The following TNN variants were observed in gnomAD, a reference collection of about 807,000 sequenced individuals.
TNN encodes tenascin N, also known as tenascin-N.
A neutral mutation model predicts 134.4 loss-of-function variants in TNN; 122 were observed. That is an observed-to-expected ratio of 0.91 (90% CI 0.78 to 1.06). TNN has a LOEUF of 1.06. TNN is among the 50% of genes least tolerant of loss of function. The probability of loss-of-function intolerance (pLI) is 0.00; values close to 1 mark genes in which losing one functional copy is unlikely to be tolerated. For missense variants in TNN, 1,739 were observed against 1,699.4 expected (o/e 1.02, Z -0.41); for synonymous variants, 710 against 670.3 (o/e 1.06, Z -0.91).
In TNN at chr1:175,147,127, G is replaced by C; in HGVS notation, c.*56G>C. ...ACCACCAGCTGTGGCAGCTTGGGGC[G>C]GGGTGGGTAGTGGTCACTGCGGTCT... On this transcript the variant is annotated 3_prime_UTR_variant, in exon 19 of 19. Coordinates refer to ENST00000239462, the MANE Select transcript of TNN (RefSeq NM_022093.2). 1 of 1,432,560 alleles carries C rather than the reference G, an allele frequency of 7.0e-7. No individual in the cohort carries two copies. Among genetic ancestry groups the C allele is most frequent in the Non-Finnish European group, 9.3e-7 (1 of 1,079,896 alleles). 88.7% of individuals were successfully genotyped at this position (1,432,560 alleles called of 1,614,324 possible).
rs777248205 is a variant in TNN at position 175,144,386 on chromosome 1, G to A, written c.3596-1G>A. 3 of 1,613,800 alleles carry A rather than the reference G, an allele frequency of 1.9e-6. No homozygotes were observed. The highest frequency in any genetic ancestry group is 1.3e-5 in the African/African-American group (1 of 75,012). ...TCGCCTCCGTCTCTTCTCTCCTGCA[G>A]GGGATGCTCTTACTTACCACAATGG... On this transcript the variant is annotated splice_acceptor_variant, in intron 17 of 18. Transcript: ENST00000239462. LOFTEE classifies it high-confidence loss of function.
chr1:175,121,127 T>C (rs1216757284), intron 11 of TNN, among the ~76,000 whole-genome samples: 1 of 152,264 alleles, frequency 6.6e-6, no homozygotes, highest in East Asian at 1.9e-4. Context: ...TTTTCTCATT[T>C]GGATTAGCCA....
At chr1:175,106,501 A>G (rs1358520703) in intron 9 of TNN, among the ~76,000 whole-genome samples, 3 of 145,764 alleles carry the variant, frequency 2.1e-5, no homozygotes, top group African/African-American at 4.9e-5. Flanking sequence ...AAGGTAACAG[A>G]GTCCTGGAGT....
intron 9 of TNN, among the ~76,000 whole-genome samples, chr1:175,113,082 G>T (rs1210754281): frequency 6.6e-6 from 1 of 152,062 alleles, no homozygotes; most frequent in Non-Finnish European, 1.5e-5. Flanking sequence ...ATTGTGATTT[G>T]GTAGGTTTTT....
At chr1:175,137,100 T>A in intron 17 of TNN, 112 bp downstream of exon 17, 1 of 1,144,934 alleles carries the variant, frequency 8.7e-7, no homozygotes, top group Non-Finnish European at 1.2e-6. Context: ...TGGAGGTGAA[T>A]TGTTCTCATT....
intron 12 of TNN, among the ~76,000 whole-genome samples, chr1:175,126,697 C>T (rs1675537128): frequency 6.6e-6 from 1 of 152,156 alleles, no homozygotes; most frequent in African/African-American, 2.4e-5. Context: ...GGGAACCTGC[C>T]TGGGAAATGG....
chr1:175,109,765 G>A (rs555709948), intron 9 of TNN, among the ~76,000 whole-genome samples: 6 of 151,370 alleles, frequency 4.0e-5, no homozygotes, highest in Non-Finnish European at 8.8e-5. Flanking sequence ...CTAGTGGACA[G>A]TTAGGTTAAT....
chr1:175,073,614 G>T (rs75292051), intron 1 of TNN, among the ~76,000 whole-genome samples: 1 of 152,302 alleles, frequency 6.6e-6, no homozygotes, highest in East Asian at 1.9e-4. Context: ...AGGGGCTTGG[G>T]GCTTTCCTCC....
intron 1 of TNN, among the ~76,000 whole-genome samples, chr1:175,073,695 T>G (rs921076479): frequency 1.3e-5 from 2 of 152,054 alleles, no homozygotes; most frequent in African/African-American, 4.8e-5. Context: ...TGGGGCGAGG[T>G]GAGGGTTAGA....
At chr1:175,072,808 C>A (rs1188030714) in intron 1 of TNN, among the ~76,000 whole-genome samples, 2 of 151,952 alleles carry the variant, frequency 1.3e-5, no homozygotes, top group East Asian at 3.9e-4. Flanking sequence ...GAAGGACAGG[C>A]AACACCAAGG....
intron 4 of TNN, among the ~76,000 whole-genome samples, chr1:175,082,972 T>C (rs1015052583): frequency 2.1e-4 from 31 of 149,894 alleles, no homozygotes; most frequent in African/African-American, 7.3e-4. Flanking sequence ...TATTAATCAC[T>C]GTAACTTCAT....
At chr1:175,091,370 G>T (rs11583029) in intron 6 of TNN, among the ~76,000 whole-genome samples, 83,270 of 151,824 alleles carry the variant, frequency 0.55, 23,419 homozygotes, top group African/African-American at 0.69. Context: ...ATAACCCTGG[G>T]CATAATATGA....
intron 1 of TNN, among the ~76,000 whole-genome samples, chr1:175,069,398 C>A (rs1673870519): frequency 6.6e-6 from 1 of 152,216 alleles, no homozygotes. Flanking sequence ...CTAAGTACTG[C>A]TTTGTCCCCA....
rs1168240659 is a variant in TNN at position 175,102,914 on chromosome 1, AT to A, written c.2119+4320del. Among the ~76,000 whole-genome samples the A allele has an allele frequency of 9.6e-5, 14 of 146,166 alleles. 3 individuals carry two copies. Among genetic ancestry groups the A allele is most frequent in the Non-Finnish European group, 3.0e-5 (2 of 65,770 alleles). On this transcript the variant is annotated intron_variant, in intron 9 of 18. Coordinates refer to ENST00000239462, the MANE Select transcript of TNN (RefSeq NM_022093.2). The stretch of plus-strand genomic sequence containing the variant: ...CCAACTGCTGTTGGCAATTTGGCCG[AT>A]GACCACTCTAGCTACTTCCTGCTGG...
At chr1:175,111,397 G>A (rs556059305) in intron 9 of TNN, among the ~76,000 whole-genome samples, 1 of 141,510 alleles carries the variant, frequency 7.1e-6, no homozygotes, top group African/African-American at 2.6e-5. Context: ...TGAGGCAGGA[G>A]AATCACTTGA....
intron 9 of TNN, among the ~76,000 whole-genome samples, chr1:175,114,584 T>TC (rs1429411694): frequency 1.3e-5 from 2 of 152,170 alleles, no homozygotes; most frequent in Non-Finnish European, 2.9e-5. Flanking sequence ...TGTGAACCTA[T>TC]AGTGGCACTT....
intron 6 of TNN, among the ~76,000 whole-genome samples, chr1:175,085,874 C>CAAAAAAAAAA (rs59186260): frequency 1.2e-5 from 1 of 81,562 alleles, no homozygotes; most frequent in Non-Finnish European, 2.4e-5. Context: ...AACTCCATCT[C>CAAAAAAAAAA]AAAAAAAAAA....
At chr1:175,139,404 C>A (rs1381256307) in intron 17 of TNN, among the ~76,000 whole-genome samples, 1 of 151,694 alleles carries the variant, frequency 6.6e-6, no homozygotes. Context: ...ACTTTTTAAA[C>A]CTTTGTGTTA....
intron 9 of TNN, among the ~76,000 whole-genome samples, chr1:175,110,122 T>C (rs1304500050): frequency 6.6e-6 from 1 of 152,220 alleles, no homozygotes; most frequent in Non-Finnish European, 1.5e-5. Flanking sequence ...TTGAACATTT[T>C]TTCGTAAATG....
Sources: allele counts gnomAD v4.1 joint callset (sites outside exome capture counted in the v4.1 genomes callset), GRCh38; gene constraint gnomAD v4.1.1; transcripts MANE v1.5; gene names NCBI Gene and HGNC (gene_info 2026-07-23, HGNC 2026-07-21).